Variants in TMEM230 observed in about 807,000 individuals in gnomAD.
TMEM230 encodes transmembrane protein 230, also known as UPF0414 transmembrane protein C20orf30.
Under a neutral mutation model 15.8 loss-of-function variants are expected in TMEM230, and 10 were observed. The observed-to-expected ratio is 0.63, with a 90% CI of 0.39 to 1.07. The LOEUF (loss-of-function observed/expected upper bound fraction) is 1.07. Ranked by LOEUF, TMEM230 falls within the 50% of genes least tolerant of loss-of-function variation. The pLI, the probability that TMEM230 is intolerant of heterozygous loss-of-function variation, is 0.01. For synonymous variants in TMEM230, 67 were observed against 76.9 expected (o/e 0.87, Z 0.68); for missense variants, 165 against 193.3 (o/e 0.85, Z 0.87).
At chr20:5,077,327 A>C (rs546592295) in intron 3 of TMEM230, among the ~76,000 whole-genome samples, 1 of 152,144 alleles carries the variant, frequency 6.6e-6, no homozygotes, top group East Asian at 1.9e-4. Flanking sequence ...ACAAAACAAA[A>C]CAAAAACCAA....
Position 5,081,867 on chromosome 20 carries a change from TTTTTTC to T in TMEM230, c.223-12524_223-12519del, listed in dbSNP as rs1448825639. Among the ~76,000 whole-genome samples, 8 of 40,630 alleles carry T rather than the reference TTTTTTC, an allele frequency of 2.0e-4. No homozygotes were observed. In the East Asian group the frequency reaches 0.04, roughly 204 times the overall value. The allele number at this position is 40,630 out of a possible 152,430, so 26.7% of individuals were successfully genotyped here. A position where few individuals can be genotyped will look rare whatever the true frequency, so the allele number is the denominator to read the frequency against. On this transcript the variant is annotated intron_variant, in intron 3 of 3. Transcript: ENST00000612323. ...ATGTTTGAAATTCACTGATTTTCTT[TTTTTTC>T]TTTTTTTTTTTTTTTTTTTAGACAG...
At chr20:5,088,261 G>C (rs2089409147) in intron 3 of TMEM230, among the ~76,000 whole-genome samples, 1 of 147,562 alleles carries the variant, frequency 6.8e-6, no homozygotes, top group Non-Finnish European at 1.5e-5. Flanking sequence ...GTGAGCCGAG[G>C]TCGTGCCACT....
At chr20:5,072,131 A>G (rs1342753373) in intron 3 of TMEM230, among the ~76,000 whole-genome samples, 1 of 152,080 alleles carries the variant, frequency 6.6e-6, no homozygotes, top group Non-Finnish European at 1.5e-5. Flanking sequence ...GCTCACTGCA[A>G]CCTTGACCTC....
intron 3 of TMEM230, 150 bp from the exon 3 acceptor site, chr20:5,106,460 A>T (rs2090097938): frequency 1.0e-6 from 1 of 977,196 alleles, no homozygotes; most frequent in African/African-American, 1.7e-5. Flanking sequence ...CTAGAGAGCA[A>T]TGGCGTGATC....
At chr20:5,107,937 C>G (rs1379789259) in intron 3 of TMEM230, among the ~76,000 whole-genome samples, 1 of 151,646 alleles carries the variant, frequency 6.6e-6, no homozygotes, top group Non-Finnish European at 1.5e-5. Context: ...CATGGCGAAA[C>G]CCCATCTATA....
chr20:5,069,194 A>C (rs1185251807), exon 4 of TMEM230: 2 of 1,526,118 alleles, frequency 1.3e-6, no homozygotes, highest in Non-Finnish European at 1.7e-6. Context: ...AACCTCAGTC[A>C]GGTGATGACA....
chr20:5,106,703 G>C (rs1375156769), intron 3 of TMEM230, among the ~76,000 whole-genome samples: 2 of 151,686 alleles, frequency 1.3e-5, no homozygotes, highest in South Asian at 2.1e-4. Context: ...CACCGCGCCC[G>C]GCCTAATTTT....
At chr20:5,067,443 A>G (rs1390436514), downstream of TMEM230, 1 of 122,018 alleles carries the variant, frequency 8.2e-6, no homozygotes, top group African/African-American at 3.3e-5. Context: ...ATATATATAT[A>G]TATATATATA....
intron 3 of TMEM230, among the ~76,000 whole-genome samples, chr20:5,088,781 T>C (rs1044919273): frequency 1.3e-5 from 2 of 152,224 alleles, no homozygotes; most frequent in Non-Finnish European, 2.9e-5. Flanking sequence ...CCCAAAGTGC[T>C]GATATTACAG....
At chr20:5,110,577 C>T (rs1259487351) in intron 2 of TMEM230, among the ~76,000 whole-genome samples, 2 of 152,154 alleles carry the variant, frequency 1.3e-5, no homozygotes, top group African/African-American at 2.4e-5. Context: ...CTGTGCCGGG[C>T]CCCTTGTAAA....
Position 5,099,864 on chromosome 20 carries a change from T to C in TMEM230, c.*927A>G. 2 of 969,200 alleles carry C rather than the reference T, an allele frequency of 2.1e-6. No individual in the cohort carries two copies. The highest frequency in any genetic ancestry group is 2.5e-6 in the Non-Finnish European group (2 of 815,082). 60.0% of individuals were successfully genotyped at this position (969,200 alleles called of 1,614,324 possible). A position where few individuals can be genotyped will look rare whatever the true frequency, so the allele number is the denominator to read the frequency against. On this transcript the variant is annotated 3_prime_UTR_variant, in exon 5 of 5. Coordinates refer to ENST00000342308, the MANE Select transcript of TMEM230 (RefSeq NM_001009923.2). ...GTTTTCTGAAATGTTTGAAGTTAAC[T>C]CATTTTATTTCTAGGATTTGGATTT...
rs190190624 is a variant in TMEM230 at position 5,093,349 on chromosome 20, G to A, written c.222+12839C>T. Among the ~76,000 whole-genome samples the A allele has an allele frequency of 3.4e-3, 519 of 152,056 alleles. 1 individual carries two copies. Among genetic ancestry groups the A allele is most frequent in the Non-Finnish European group, 6.0e-3 (410 of 67,984 alleles). ...TGCAACCTCCACCTCCTGGGCTCAA[G>A]CTATCCTCCCATCTCAGCCTCCTGA... On this transcript the variant is annotated intron_variant, in intron 3 of 3. Coordinates refer to the TMEM230 transcript ENST00000612323.
chr20:5,059,555 C>T, the TMEM230 span, among the ~76,000 whole-genome samples: 1 of 152,006 alleles, frequency 6.6e-6, no homozygotes, highest in Non-Finnish European at 1.5e-5. Flanking sequence ...CCTAAACATG[C>T]TCATGATTCT....
chr20:5,111,827 A>G (rs1030227312), intron 1 of TMEM230: 1 of 972,548 alleles, frequency 1.0e-6, no homozygotes, highest in Admixed American at 6.2e-5. Flanking sequence ...AAAAAATAAC[A>G]AATTGTTTTT....
At chr20:5,094,689 A>T (rs949610304) in intron 3 of TMEM230, among the ~76,000 whole-genome samples, 45 of 138,620 alleles carry the variant, frequency 3.2e-4, no homozygotes, top group Admixed American at 5.3e-4. Context: ...CCTGGGACAG[A>T]GCTAGACTCC....
intron 3 of TMEM230, among the ~76,000 whole-genome samples, chr20:5,081,258 G>C (rs2089164991): frequency 6.6e-6 from 1 of 152,210 alleles, no homozygotes; most frequent in Non-Finnish European, 1.5e-5. Flanking sequence ...AAAAACTGCT[G>C]TAAGTGGGCG....
At chr20:5,092,715 C>CA (rs749828640) in intron 3 of TMEM230, among the ~76,000 whole-genome samples, 2,681 of 52,748 alleles carry the variant, frequency 0.051, 50 homozygotes, top group South Asian at 0.1. Context: ...AACTCCGTCT[C>CA]AAAAAAAAAA....
rs1568497752 is a variant in TMEM230, at chr20:5,100,346, A to C, written c.*445T>G. On this transcript the variant is annotated 3_prime_UTR_variant, in exon 5 of 5. Transcript: ENST00000342308. ...TGATTTTACTAAGGTCTTCCACTGG[A>C]ACATGAAGGTAGGGATAAGTGTACA... is the stretch of plus-strand genomic sequence containing the variant. The C allele has an allele frequency of 1.5e-5, 15 of 985,436 alleles. No homozygotes were observed. The South Asian group carries it at 5.6e-4, about 37-fold the overall frequency. The allele number at this position is 985,436 out of a possible 1,614,324, so 61.0% of individuals were successfully genotyped here. A position where few individuals can be genotyped will look rare whatever the true frequency, so the allele number is the denominator to read the frequency against.
intron 4 of TMEM230, 132 bp downstream of exon 3, chr20:5,106,056 A>T: frequency 7.2e-7 from 1 of 1,397,880 alleles, no homozygotes; most frequent in Non-Finnish European, 9.4e-7. Flanking sequence ...GTCTCAAAAA[A>T]AACAGACCAC....
Sources: allele counts gnomAD v4.1 joint callset (sites outside exome capture counted in the v4.1 genomes callset), GRCh38; gene constraint gnomAD v4.1.1; transcripts MANE v1.5; gene names NCBI Gene and HGNC (gene_info 2026-07-23, HGNC 2026-07-21).